Variants in ANKS1A observed in about 807,000 individuals in gnomAD.
The protein encoded by ANKS1A is ankyrin repeat and SAM domain-containing protein 1A.
ANKS1A carries 55 observed loss-of-function variants against 120.3 expected under a neutral mutation model. That is an observed-to-expected ratio of 0.46 (90% CI 0.37 to 0.57). ANKS1A has a LOEUF of 0.57. Ranked by LOEUF, ANKS1A falls within the 20% of genes least tolerant of loss-of-function variation. The pLI, the probability that ANKS1A is intolerant of heterozygous loss-of-function variation, is 0.00. For missense variants in ANKS1A, 1,123 were observed against 1,480.3 expected (o/e 0.76, Z 3.96); for synonymous variants, 590 against 604.7 (o/e 0.98, Z 0.36).
chr6:34,925,694 C>T (rs1768683013), intron 1 of ANKS1A, among the ~76,000 whole-genome samples: 1 of 152,156 alleles, frequency 6.6e-6, no homozygotes, highest in Admixed American at 6.5e-5. Context: ...GAGAGGGATA[C>T]TCTGTGGGAT....
intron 7 of ANKS1A, 109 bp from the exon 8 acceptor site, chr6:34,984,967 CTGGGTT>C: frequency 1.2e-6 from 1 of 863,616 alleles, no homozygotes; most frequent in South Asian, 1.7e-5. Context: ...TTTTCTTGCT[CTGGGTT>C]AGTGTTTGTG....
intron 1 of ANKS1A, among the ~76,000 whole-genome samples, chr6:34,955,730 G>A (rs1770331657): frequency 1.3e-5 from 2 of 152,044 alleles, no homozygotes; most frequent in South Asian, 4.2e-4. Flanking sequence ...GAGTGTGTGG[G>A]AGGTAAAGTT....
intron 16 of ANKS1A, among the ~76,000 whole-genome samples, chr6:35,080,776 A>C (rs1777626808): frequency 6.6e-6 from 1 of 151,888 alleles, no homozygotes; most frequent in African/African-American, 2.4e-5. Context: ...ATCTTTTATA[A>C]ATGCAAAAGT....
intron 1 of ANKS1A, among the ~76,000 whole-genome samples, chr6:34,949,963 A>G (rs1338951888): frequency 1.3e-5 from 2 of 152,218 alleles, no homozygotes; most frequent in Admixed American, 6.5e-5. Flanking sequence ...ACTCCTTCTT[A>G]AAAGGATTCT....
chr6:34,971,288 G>A (rs970235530), intron 3 of ANKS1A, among the ~76,000 whole-genome samples: 1 of 152,288 alleles, frequency 6.6e-6, no homozygotes, highest in African/African-American at 2.4e-5. Context: ...GGCAGGATTT[G>A]AGCAAAAATA....
rs1456246729 is a variant in ANKS1A, at chr6:35,044,136, G to A, written c.2011-9963G>A. Among the ~76,000 whole-genome samples the A allele has an allele frequency of 5.3e-5, 8 of 152,162 alleles. No individual in the cohort carries two copies. The highest frequency in any genetic ancestry group is 1.0e-4 in the Non-Finnish European group (7 of 68,022). On this transcript the variant is annotated intron_variant, in intron 11 of 23. Coordinates refer to ENST00000360359, the MANE Select transcript of ANKS1A (RefSeq NM_015245.3). This position sits in a 1 kb window ranked among gnomAD's most constrained non-coding sequence, Gnocchi z 4.4. ...ATGACCCCAGCTGACTCTTGGTAAG[G>A]GTAACACTGAGTGTGTGGAAGCAGA...
chr6:34,981,598 T>C (rs1771909189), intron 3 of ANKS1A, 92 bp from the exon 4 acceptor site: 1 of 1,395,472 alleles, frequency 7.2e-7, no homozygotes, highest in African/African-American at 1.4e-5. Context: ...ATTTTTCTCA[T>C]TTAAACTTCA....
At chr6:34,933,369 G>A (rs1561856129) in intron 1 of ANKS1A, among the ~76,000 whole-genome samples, 1 of 152,128 alleles carries the variant, frequency 6.6e-6, no homozygotes, top group Non-Finnish European at 1.5e-5. Context: ...TGGAGAAAAG[G>A]CTGTTTTGTT....
chr6:34,940,137 C>G (rs1561860335), intron 1 of ANKS1A, among the ~76,000 whole-genome samples: 1 of 152,216 alleles, frequency 6.6e-6, no homozygotes, highest in African/African-American at 2.4e-5. Flanking sequence ...TTTGCACTGT[C>G]TGATGAGTAC....
chr6:34,984,779 G>T (rs1772095039), intron 7 of ANKS1A, among the ~76,000 whole-genome samples: 1 of 152,100 alleles, frequency 6.6e-6, no homozygotes, highest in South Asian at 2.1e-4. Flanking sequence ...TATCTTATGG[G>T]TTAAGTTTAT....
intron 11 of ANKS1A, among the ~76,000 whole-genome samples, chr6:35,020,557 A>G (rs7755499): frequency 0.027 from 4,139 of 152,288 alleles, 188 homozygotes; most frequent in African/African-American, 0.094. Context: ...CCTCTTCTTT[A>G]TGGCTCCTTC....
Position 34,989,241 on chromosome 6 carries a change from T to G in ANKS1A, c.1227T>G (p.Pro409=), listed in dbSNP as rs776936153. ...AGVRPRERPP[P]PAKPPPDEEE... ...TTCTGCAGAGGGAACGTCCACCACC[T>G]CCAGCAAAGCCACCGCCCGATGAAG... is the stretch of plus-strand genomic sequence containing the variant. The change falls in exon 9 of 24, where the codon CCT becomes CCG. Residue 409 remains proline (P), a synonymous_variant. Coordinates refer to ENST00000360359, the MANE Select transcript of ANKS1A (RefSeq NM_015245.3). The G allele has an allele frequency of 1.9e-6, 3 of 1,613,930 alleles. No homozygotes were observed. The East Asian group carries it at 6.7e-5, about 36-fold the overall frequency.
At chr6:34,990,956 AG>A (rs1183964985) in intron 9 of ANKS1A, among the ~76,000 whole-genome samples, 1 of 152,180 alleles carries the variant, frequency 6.6e-6, no homozygotes, top group Non-Finnish European at 1.5e-5. Context: ...CATATGCTGT[AG>A]TTTGTAGTCT....
rs2127621727 is a variant in ANKS1A at position 35,091,243 on chromosome 6, C to T, written c.*2634C>T. The T allele has an allele frequency of 5.1e-6, 5 of 985,896 alleles. No homozygotes were observed. The highest frequency in any genetic ancestry group is 6.0e-6 in the Non-Finnish European group (5 of 829,954). The allele number at this position is 985,896 out of a possible 1,614,324, so 61.1% of individuals were successfully genotyped here. On this transcript the variant is annotated 3_prime_UTR_variant, in exon 24 of 24. Coordinates refer to ENST00000360359, the MANE Select transcript of ANKS1A (RefSeq NM_015245.3). Reference sequence around the variant, plus strand: ...TCTGATTTTGTCTGAATTATAAACACTTTGAGGTACCAAACATAACCAATC... The same window carrying T: ...TCTGATTTTGTCTGAATTATAAACATTTTGAGGTACCAAACATAACCAATC...
rs574957426 is a variant in ANKS1A at position 34,891,180 on chromosome 6, A to G, written c.197+1581A>G. On this transcript the variant is annotated intron_variant, in intron 1 of 23. Coordinates refer to ENST00000360359, the MANE Select transcript of ANKS1A (RefSeq NM_015245.3). ...ATGTGAGGATTTGGGTAGGTGAGTT[A>G]TGATGGGCATGTTTCAGGTGGGTAC... Among the ~76,000 whole-genome samples, 8 of 152,292 alleles carry G rather than the reference A, an allele frequency of 5.3e-5. No individual in the cohort carries two copies. In the South Asian group the frequency reaches 1.2e-3, roughly 24 times the overall value.
At position 35,090,257 on chromosome 6, in the gene ANKS1A, T is replaced by C. The variant is rs1778227847; in HGVS notation, c.*1648T>C. On this transcript the variant is annotated 3_prime_UTR_variant, in exon 24 of 24. Transcript: ENST00000360359. ...TGTGAGGATGCCCATGAGCTACCGC[T>C]GTACAGTTCTCGGCCCCGGCTTTCT... 4 of 1,289,738 alleles carry C rather than the reference T, an allele frequency of 3.1e-6. No individual in the cohort carries two copies. Among genetic ancestry groups the C allele is most frequent in the Non-Finnish European group, 4.0e-6 (4 of 988,890 alleles). The allele number at this position is 1,289,738 out of a possible 1,614,324, so 79.9% of individuals were successfully genotyped here. A position where few individuals can be genotyped will look rare whatever the true frequency, so the allele number is the denominator to read the frequency against.
At chr6:34,927,965 G>A (rs1236099219) in intron 1 of ANKS1A, among the ~76,000 whole-genome samples, 1 of 152,154 alleles carries the variant, frequency 6.6e-6, no homozygotes, top group African/African-American at 2.4e-5. Context: ...AGGCAAGGCT[G>A]GCATTTTCCC....
At position 35,084,071 on chromosome 6, in the gene ANKS1A, C is replaced by T. The variant is rs374934119; in HGVS notation, c.2995-50C>T. 53 of 1,607,838 alleles carry T rather than the reference C, an allele frequency of 3.3e-5. No individual in the cohort carries two copies. In the African/African-American group the frequency reaches 6.3e-4, roughly 19 times the overall value. ...GGTAACAGGCTGGGGCAGGGGGTGC[C>T]AGAGGCATGCCTGAGCCTGAGAATT... On this transcript the variant is annotated intron_variant, in intron 20 of 23. Transcript: ENST00000360359. The surrounding 1 kb of genome is among the most constrained non-coding windows in gnomAD (Gnocchi z 4.8).
Position 35,018,694 on chromosome 6 carries a change from C to G in ANKS1A, c.2010+635C>G, listed in dbSNP as rs577935341. On this transcript the variant is annotated intron_variant, in intron 11 of 23. Transcript: ENST00000360359. Reference sequence around the variant, plus strand: ...AGTTTTTCAGCCCTTGCCCCCACTCCCTCCCCTCTCCAGTAGTCCCCAGTG... The same window carrying G: ...AGTTTTTCAGCCCTTGCCCCCACTCGCTCCCCTCTCCAGTAGTCCCCAGTG... Among the ~76,000 whole-genome samples, 21 of 152,100 alleles carry G rather than the reference C, an allele frequency of 1.4e-4. No homozygotes were observed. The East Asian group carries it at 4.1e-3, about 30-fold the overall frequency.
Sources: allele counts gnomAD v4.1 joint callset (sites outside exome capture counted in the v4.1 genomes callset), GRCh38; gene constraint gnomAD v4.1.1; non-coding constraint Gnocchi (gnomAD v3.1); transcripts MANE v1.5; gene names NCBI Gene and HGNC (gene_info 2026-07-23, HGNC 2026-07-21).